CMIP: variants seen among roughly 807,000 people sequenced by gnomAD.
The protein encoded by CMIP is c-Maf inducing protein.
CMIP carries 13 observed loss-of-function variants against 97.3 expected under a neutral mutation model. The ratio of observed to expected loss-of-function variants is 0.13; its 90% CI spans 0.09 to 0.21. The LOEUF is 0.21. Among genes scored for constraint, CMIP ranks in the 10% least tolerant of loss-of-function variants. CMIP has a pLI of 1.00. For missense variants in CMIP, 847 were observed against 1,024.9 expected (o/e 0.83, Z 2.37); for synonymous variants, 538 against 436.3 (o/e 1.23, Z -2.91).
At chr16:81,528,571 G>C (rs1000317357) in intron 1 of CMIP, among the ~76,000 whole-genome samples, 1 of 152,174 alleles carries the variant, frequency 6.6e-6, no homozygotes, top group Non-Finnish European at 1.5e-5. Context: ...AATTAAAATA[G>C]TTCATTGAGT....
chr16:81,455,402 T>A (rs1906484740), intron 1 of CMIP, among the ~76,000 whole-genome samples: 2 of 152,346 alleles, frequency 1.3e-5, no homozygotes, highest in African/African-American at 4.8e-5. Context: ...ATAGTTTGGA[T>A]GAATGAACAG....
intron 1 of CMIP, among the ~76,000 whole-genome samples, chr16:81,604,313 T>C (rs2091705302): frequency 6.6e-6 from 1 of 150,706 alleles, no homozygotes; most frequent in Admixed American, 6.6e-5. Context: ...GGAGAATCGC[T>C]TGAACCCGAG....
intron 10 of CMIP, among the ~76,000 whole-genome samples, chr16:81,683,823 G>T (rs563439729): frequency 8.1e-6 from 1 of 122,790 alleles, no homozygotes; most frequent in Non-Finnish European, 1.6e-5. Flanking sequence ...GTGCAGTGAC[G>T]CGATCTCAGC....
chr16:81,594,780 AT>A (rs570057427), intron 1 of CMIP, among the ~76,000 whole-genome samples: 4,928 of 115,112 alleles, frequency 0.043, 101 homozygotes, highest in East Asian at 0.099. Context: ...CGCCCAGCTA[AT>A]TTTTTTTTTT....
At chr16:81,487,910 C>G (rs973293841) in intron 1 of CMIP, among the ~76,000 whole-genome samples, 2 of 152,202 alleles carry the variant, frequency 1.3e-5, no homozygotes. Context: ...GGTTACTAGA[C>G]GATCTTCGAA....
Position 81,693,314 on chromosome 16 carries a change from T to A in CMIP, c.1482-125T>A, listed in dbSNP as rs190820609. ...CTTGGCAGTTCTCTTGAGACACGTG[T>A]CCCTGATCCACCGCCTTGCCCAGCT... On this transcript the variant is annotated intron_variant, in intron 12 of 20. Coordinates refer to ENST00000537098, the MANE Select transcript of CMIP (RefSeq NM_198390.3). 3.2e-4 allele frequency: 457 copies of A among 1,413,064 alleles called. 5 individuals carry two copies. In the African/African-American group the frequency reaches 5.6e-3, roughly 17 times the overall value. 87.5% of individuals were successfully genotyped at this position (1,413,064 alleles called of 1,614,324 possible).
Position 81,671,795 on chromosome 16 carries a change from G to A in CMIP, c.930-171G>A, listed in dbSNP as rs369342251. On this transcript the variant is annotated intron_variant, in intron 8 of 20. Transcript: ENST00000537098. ...GCTGCCTGCACGTGGCACAGCCGGG[G>A]CCCAAATCCTGGTGCCACCAATTGC... Among the ~76,000 whole-genome samples the A allele has an allele frequency of 1.2e-4, 19 of 152,354 alleles. No homozygotes were observed. In the East Asian group the frequency reaches 3.5e-3, roughly 28 times the overall value.
At chr16:81,542,143 A>G (rs2090461170) in intron 1 of CMIP, among the ~76,000 whole-genome samples, 1 of 152,178 alleles carries the variant, frequency 6.6e-6, no homozygotes, top group Admixed American at 6.5e-5. Flanking sequence ...TGGGACTCTC[A>G]GTAGATGCTG....
At chr16:81,475,822 A>G (rs1907873599) in intron 1 of CMIP, among the ~76,000 whole-genome samples, 1 of 152,036 alleles carries the variant, frequency 6.6e-6, no homozygotes, top group Non-Finnish European at 1.5e-5. Flanking sequence ...TGTCTCTACT[A>G]AAAATACAAA....
At chr16:81,523,043 C>G (rs577445790) in intron 1 of CMIP, among the ~76,000 whole-genome samples, 1 of 152,090 alleles carries the variant, frequency 6.6e-6, no homozygotes, top group African/African-American at 2.4e-5. Flanking sequence ...CCTCCCACCT[C>G]AGCCCCCCAA....
At chr16:81,635,343 A>AG (rs1435808232) in intron 3 of CMIP, among the ~76,000 whole-genome samples, 1 of 152,194 alleles carries the variant, frequency 6.6e-6, no homozygotes, top group Non-Finnish European at 1.5e-5. Flanking sequence ...GGGTTGGCAC[A>AG]CAGGACAGAG....
intron 2 of CMIP, among the ~76,000 whole-genome samples, chr16:81,609,703 A>G (rs572432188): frequency 6.9e-4 from 105 of 152,366 alleles, no homozygotes; most frequent in African/African-American, 2.5e-3. Context: ...AGGGATGAGT[A>G]GAAGTGTGCC....
rs913753969 is a variant in CMIP at position 81,585,344 on chromosome 16, AAAT to A, written c.301-22211_301-22209del. ...CAAAAGAGTAAGACTCTGTCTCAAA[AAAT>A]AATAATAATAAATGTACCATTTGGT... is the stretch of plus-strand genomic sequence containing the variant. On this transcript the variant is annotated intron_variant, in intron 1 of 20. Coordinates refer to ENST00000537098, the MANE Select transcript of CMIP (RefSeq NM_198390.3). Among the ~76,000 whole-genome samples, 16 of 152,278 alleles carry A rather than the reference AAAT, an allele frequency of 1.1e-4. 1 individual carries two copies. The highest frequency in any genetic ancestry group is 3.4e-4 in the African/African-American group (14 of 41,556).
intron 1 of CMIP, among the ~76,000 whole-genome samples, chr16:81,465,424 C>A (rs549888297): frequency 6.6e-5 from 10 of 152,234 alleles, no homozygotes; most frequent in African/African-American, 2.2e-4. Context: ...CAGGATGCAC[C>A]CCGTGTCTGA....
chr16:81,626,222 A>AGAATGTGTGTGTGT (rs1352593643), intron 3 of CMIP, among the ~76,000 whole-genome samples: 6 of 151,640 alleles, frequency 4.0e-5, no homozygotes, highest in African/African-American at 1.2e-4. Flanking sequence ...TGTGCGCGTG[A>AGAATGTGTGTGTGT]GAATGTGTGT....
intron 1 of CMIP, among the ~76,000 whole-genome samples, chr16:81,511,090 T>G (rs976015417): frequency 2.0e-5 from 3 of 152,174 alleles, no homozygotes; most frequent in African/African-American, 7.2e-5. Context: ...GTACTCATCA[T>G]CTGCTTCAAC....
chr16:81,672,408 G>A (rs2092691087), intron 9 of CMIP, among the ~76,000 whole-genome samples: 1 of 152,216 alleles, frequency 6.6e-6, no homozygotes. Flanking sequence ...ACATGGGTAT[G>A]CAAATGCATG....
chr16:81,696,510 G>C, intron 13 of CMIP, 50 bp from the exon 14 acceptor site: 2 of 1,554,912 alleles, frequency 1.3e-6, no homozygotes, highest in Non-Finnish European at 8.7e-7. Flanking sequence ...GGTCGCCCTT[G>C]TCACCGGGGC....
At chr16:81,659,427 G>C (rs921909183) in intron 5 of CMIP, among the ~76,000 whole-genome samples, 1 of 152,202 alleles carries the variant, frequency 6.6e-6, no homozygotes, top group Non-Finnish European at 1.5e-5. Flanking sequence ...GATGATGATG[G>C]AGGACTTCCA....
Sources: allele counts gnomAD v4.1 joint callset (sites outside exome capture counted in the v4.1 genomes callset), GRCh38; gene constraint gnomAD v4.1.1; transcripts MANE v1.5; gene names NCBI Gene and HGNC (gene_info 2026-07-23, HGNC 2026-07-21).